Variants in ACER1 observed in about 807,000 individuals in gnomAD.
The protein encoded by ACER1 is CTB-180A7.3.
A neutral mutation model predicts 24.9 loss-of-function variants in ACER1; 28 were observed. That is an observed-to-expected ratio of 1.13 (90% CI 0.83 to 1.54). ACER1 has a LOEUF of 1.54. ACER1 is among the 40% of genes most tolerant of loss of function. The pLI, the probability that ACER1 is intolerant of heterozygous loss-of-function variation, is 0.00. For synonymous variants in ACER1, 132 were observed against 131.4 expected (o/e 1.00, Z -0.03); for missense variants, 352 against 349.3 (o/e 1.01, Z -0.06).
the ACER1 span, among the ~76,000 whole-genome samples, chr19:6,359,295 A>G: frequency 6.6e-6 from 1 of 151,288 alleles, no homozygotes; most frequent in Non-Finnish European, 1.5e-5. Flanking sequence ...AATCCACTTC[A>G]GGAGTCTCTC....
At chr19:6,311,555 A>G (rs1037037978) in intron 3 of ACER1, among the ~76,000 whole-genome samples, 3 of 150,944 alleles carry the variant, frequency 2.0e-5, no homozygotes, top group East Asian at 2.0e-4. Flanking sequence ...AAGGAAGAAG[A>G]AGGAGGAGGA....
intron 1 of ACER1, among the ~76,000 whole-genome samples, chr19:6,327,977 G>GTCTCA (rs1214019507): frequency 2.0e-5 from 3 of 151,630 alleles, no homozygotes; most frequent in Non-Finnish European, 2.9e-5. Flanking sequence ...TCGGGAGGTT[G>GTCTCA]AGACAGGAGA....
the ACER1 span, among the ~76,000 whole-genome samples, chr19:6,344,199 G>T: frequency 1.3e-5 from 2 of 152,046 alleles, no homozygotes; most frequent in Admixed American, 1.3e-4. Context: ...AACCCAGGAG[G>T]TGGAGCTTGC....
At chr19:6,324,856 A>AAAG (rs1568312193) in intron 1 of ACER1, among the ~76,000 whole-genome samples, 6 of 102,346 alleles carry the variant, frequency 5.9e-5, no homozygotes, top group East Asian at 3.0e-4. Flanking sequence ...AAAGAGAGAG[A>AAAG]GAGAAAGGAA....
At chr19:6,348,781 G>A in the ACER1 span, among the ~76,000 whole-genome samples, 1 of 152,024 alleles carries the variant, frequency 6.6e-6, no homozygotes, top group African/African-American at 2.4e-5. Flanking sequence ...CGGCAGGCTG[G>A]GCATGGTGGC....
intron 1 of ACER1, among the ~76,000 whole-genome samples, chr19:6,327,023 C>T (rs1264115165): frequency 1.3e-5 from 2 of 152,156 alleles, no homozygotes; most frequent in African/African-American, 4.8e-5. Flanking sequence ...AAACCCAACT[C>T]CTACATGTCC....
At chr19:6,312,012 C>G (rs2091584153) in intron 3 of ACER1, 137 bp downstream of exon 3, 1 of 1,218,672 alleles carries the variant, frequency 8.2e-7, no homozygotes, top group African/African-American at 1.5e-5. Flanking sequence ...AGGAGAAAAC[C>G]CGAAGTGGTC....
Position 6,306,851 on chromosome 19 carries a change from C to T in ACER1, c.658G>A (p.Gly220Ser). 1 of 1,613,982 alleles carries T rather than the reference C, an allele frequency of 6.2e-7. No homozygotes were observed. Among genetic ancestry groups the T allele is most frequent in the Non-Finnish European group, 8.5e-7 (1 of 1,179,920 alleles). The change falls in exon 6 of 6, where the codon GGC becomes AGC. Residue 220 changes from glycine (G) to serine (S), a missense_variant. Transcript: ENST00000301452. ...TCCACCAAGGCCATGGTGACCATGCCATAAGGGAAGGTGATGCTGATGAGC... is the reference window on the plus strand; with the variant it reads ...TCCACCAAGGCCATGGTGACCATGCTATAAGGGAAGGTGATGCTGATGAGC... The part of the protein sequence containing the change: ...HVLISITFPY[G>S]MVTMALVDAN...
upstream of ACER1, among the ~76,000 whole-genome samples, chr19:6,336,543 G>A (rs1207163901): frequency 1.3e-5 from 2 of 152,022 alleles, no homozygotes; most frequent in Admixed American, 6.6e-5. Context: ...ATTGTGGGCT[G>A]GGCACGGTGG....
chr19:6,354,875 C>T, the ACER1 span, among the ~76,000 whole-genome samples: 116 of 152,256 alleles, frequency 7.6e-4, no homozygotes, highest in African/African-American at 2.3e-3. Flanking sequence ...GATGCCGAGC[C>T]GAAGCTGGAC....
At chr19:6,347,131 TAA>T in the ACER1 span, among the ~76,000 whole-genome samples, 97 of 134,476 alleles carry the variant, frequency 7.2e-4, 1 homozygote, top group African/African-American at 2.7e-3. Context: ...TATATATATA[TAA>T]AATAATAATA....
chr19:6,321,746 T>A (rs1422317726), intron 1 of ACER1, among the ~76,000 whole-genome samples: 6 of 152,210 alleles, frequency 3.9e-5, no homozygotes, highest in African/African-American at 1.2e-4. Context: ...TAGCTGGGAC[T>A]ACAGACACGT....
chr19:6,352,384 T>C, the ACER1 span, among the ~76,000 whole-genome samples: 23 of 152,126 alleles, frequency 1.5e-4, no homozygotes, highest in Non-Finnish European at 3.2e-4. Flanking sequence ...AAGACCACCA[T>C]ACCATGAGGG....
At chr19:6,324,107 T>C (rs2091646624) in intron 1 of ACER1, among the ~76,000 whole-genome samples, 1 of 152,062 alleles carries the variant, frequency 6.6e-6, no homozygotes, top group Non-Finnish European at 1.5e-5. Context: ...TGCAGTGGTG[T>C]GATCTCAGCT....
chr19:6,354,058 T>A, the ACER1 span, among the ~76,000 whole-genome samples: 1 of 151,556 alleles, frequency 6.6e-6, no homozygotes, highest in Admixed American at 6.6e-5. Flanking sequence ...GGTTCATGCC[T>A]GTAGTCCCAG....
chr19:6,332,512 A>C (rs529420007), intron 1 of ACER1, among the ~76,000 whole-genome samples: 1 of 151,946 alleles, frequency 6.6e-6, no homozygotes, highest in Non-Finnish European at 1.5e-5. Context: ...GGCTCAAGCG[A>C]TCTTCCTGCC....
At chr19:6,358,932 T>TAAAAAAAAAA in the ACER1 span, among the ~76,000 whole-genome samples, 1 of 72,928 alleles carries the variant, frequency 1.4e-5, no homozygotes, top group African/African-American at 1.2e-4. Context: ...AAACTCTGTC[T>TAAAAAAAAAA]CAAAAAAAAA....
upstream of ACER1, among the ~76,000 whole-genome samples, chr19:6,335,886 C>A (rs1166232369): frequency 1.3e-5 from 2 of 148,638 alleles, no homozygotes; most frequent in Non-Finnish European, 3.0e-5. Flanking sequence ...TTTTCTTTTT[C>A]TTTTTTTTCT....
chr19:6,331,553 G>T (rs2091687263), intron 1 of ACER1, among the ~76,000 whole-genome samples: 1 of 151,710 alleles, frequency 6.6e-6, no homozygotes, highest in Admixed American at 6.6e-5. Context: ...CAGCACTTTG[G>T]GAGGCTGAGG....
Sources: allele counts gnomAD v4.1 joint callset (sites outside exome capture counted in the v4.1 genomes callset), GRCh38; gene constraint gnomAD v4.1.1; transcripts MANE v1.5; gene names NCBI Gene and HGNC (gene_info 2026-07-23, HGNC 2026-07-21).